The following MSH3 variants were observed in gnomAD, a reference collection of about 807,000 sequenced individuals.
MSH3 encodes mutS homolog 3, also known as DNA mismatch repair protein Msh3.
MSH3 carries 106 observed loss-of-function variants against 123.3 expected under a neutral mutation model. The ratio of observed to expected loss-of-function variants is 0.86; its 90% CI spans 0.73 to 1.01. MSH3 has a LOEUF of 1.01. MSH3 is among the 50% of genes least tolerant of loss of function. The pLI is 0.00. For synonymous variants in MSH3, 515 were observed against 481.4 expected, an observed-to-expected ratio of 1.07 and a Z score of -0.91; for missense variants, 1,459 against 1,347.6, an observed-to-expected ratio of 1.08 and a Z score of -1.29.
intron 20 of MSH3, among the ~76,000 whole-genome samples, chr5:80,826,125 T>C (rs897800335): frequency 2.0e-5 from 3 of 152,268 alleles, no homozygotes; most frequent in Non-Finnish European, 4.4e-5. Context: ...ATCTTGGCGG[T>C]GCTAGTTAAA....
chr5:80,691,854 T>G (rs1750263962), intron 8 of MSH3, among the ~76,000 whole-genome samples: 1 of 146,720 alleles, frequency 6.8e-6, no homozygotes, highest in South Asian at 2.1e-4. Flanking sequence ...TATATATTTA[T>G]ATAGCTAAAC....
chr5:80,760,207 A>G (rs6151784), intron 12 of MSH3, among the ~76,000 whole-genome samples: 3,438 of 152,190 alleles, frequency 0.023, 121 homozygotes, highest in African/African-American at 0.077. Flanking sequence ...CCACTTGTTT[A>G]TTTATTCATT....
intron 12 of MSH3, among the ~76,000 whole-genome samples, chr5:80,753,399 T>G (rs1469915208): frequency 6.6e-6 from 1 of 152,154 alleles, no homozygotes; most frequent in Non-Finnish European, 1.5e-5. Context: ...GTAGGGAGAC[T>G]TTAGGAGGAT....
intron 19 of MSH3, among the ~76,000 whole-genome samples, chr5:80,811,581 CTTGTT>C (rs577482270): frequency 2.0e-3 from 309 of 152,074 alleles, no homozygotes; most frequent in African/African-American, 7.2e-3. Flanking sequence ...GGGAAAAATT[CTTGTT>C]TTGTTCTCTG....
chr5:80,830,965 G>T, intron 20 of MSH3, among the ~76,000 whole-genome samples: 1 of 151,812 alleles, frequency 6.6e-6, no homozygotes, highest in East Asian at 1.9e-4. Context: ...GCAATCATTA[G>T]AAGGAAGGAT....
intron 8 of MSH3, among the ~76,000 whole-genome samples, chr5:80,696,359 T>G (rs1455282374): frequency 1.3e-5 from 2 of 152,190 alleles, no homozygotes; most frequent in East Asian, 3.9e-4. Flanking sequence ...TCCCAGCCTT[T>G]GCTAGCATGG....
At chr5:80,659,841 A>G (rs1016200006) in intron 2 of MSH3, among the ~76,000 whole-genome samples, 2 of 151,868 alleles carry the variant, frequency 1.3e-5, no homozygotes, top group African/African-American at 4.8e-5. Context: ...TGTCTCTATC[A>G]TTTTGGCTAC....
chr5:80,844,110 A>T (rs1032406919), intron 20 of MSH3, among the ~76,000 whole-genome samples: 2 of 151,956 alleles, frequency 1.3e-5, no homozygotes, highest in Non-Finnish European at 2.9e-5. Context: ...CTTTGTTCTC[A>T]TAGGTTTCAA....
chr5:80,713,785 C>T (rs1383702771), intron 8 of MSH3, among the ~76,000 whole-genome samples: 1 of 74,756 alleles, frequency 1.3e-5, no homozygotes, highest in Admixed American at 1.3e-4. Flanking sequence ...TTGTTCTTGT[C>T]GCCTGCTATT....
At chr5:80,745,984 T>G (rs1370114450) in intron 12 of MSH3, among the ~76,000 whole-genome samples, 1 of 152,142 alleles carries the variant, frequency 6.6e-6, no homozygotes, top group Non-Finnish European at 1.5e-5. Flanking sequence ...TTTGCAAGTT[T>G]TTTTTTTTAC....
intron 10 of MSH3, among the ~76,000 whole-genome samples, chr5:80,739,213 TCTAAACACATAGGTAA>T (rs1743568415): frequency 6.6e-6 from 1 of 152,234 alleles, no homozygotes; most frequent in African/African-American, 2.4e-5. Context: ...AGGACTCATA[TCTAAACACATAGGTAA>T]CTGGTTAGAT....
chr5:80,818,100 T>G (rs2112060895), intron 20 of MSH3, among the ~76,000 whole-genome samples: 1 of 152,146 alleles, frequency 6.6e-6, no homozygotes, highest in South Asian at 2.1e-4. Context: ...GCACCTGTAA[T>G]CCCAGCTACT....
chr5:80,803,364 A>G (rs1023795796), intron 19 of MSH3, among the ~76,000 whole-genome samples: 1 of 151,890 alleles, frequency 6.6e-6, no homozygotes, highest in Admixed American at 6.6e-5. Flanking sequence ...TGTTGTTTGT[A>G]TGCCTTCGTT....
intron 20 of MSH3, among the ~76,000 whole-genome samples, chr5:80,833,109 T>C (rs1745447856): frequency 6.6e-6 from 1 of 152,186 alleles, no homozygotes; most frequent in Admixed American, 6.5e-5. Context: ...TATTAAGCTT[T>C]GTTGACCTAT....
chr5:80,860,209 A>T (rs995192140), intron 21 of MSH3, among the ~76,000 whole-genome samples: 1 of 152,136 alleles, frequency 6.6e-6, no homozygotes, highest in African/African-American at 2.4e-5. Flanking sequence ...AGAAAAATAA[A>T]AGTTTTTCGC....
chr5:80,685,912 G>A (rs920567340), intron 8 of MSH3, among the ~76,000 whole-genome samples: 15 of 151,948 alleles, frequency 9.9e-5, no homozygotes, highest in African/African-American at 3.6e-4. Context: ...TGACCCACTG[G>A]CCATTCAGGA....
intron 8 of MSH3, among the ~76,000 whole-genome samples, chr5:80,706,602 A>G (rs1001663175): frequency 3.3e-5 from 5 of 152,234 alleles, no homozygotes; most frequent in African/African-American, 1.2e-4. Flanking sequence ...CATATATTAA[A>G]TATATAATGG....
intron 12 of MSH3, 31 bp downstream of exon 12, chr5:80,744,646 C>T: frequency 1.3e-6 from 2 of 1,503,798 alleles, no homozygotes; most frequent in Non-Finnish European, 1.8e-6. Context: ...GGTGTTTAAT[C>T]TGAAATTATA....
At chr5:80,707,740 A>C (rs1055015303) in intron 8 of MSH3, among the ~76,000 whole-genome samples, 7 of 152,200 alleles carry the variant, frequency 4.6e-5, no homozygotes, top group African/African-American at 1.7e-4. Flanking sequence ...TCAAAAAAAC[A>C]AAACAAAAAA....
Sources: gnomAD v4.1 joint callset for allele counts (sites outside exome capture counted in the v4.1 genomes callset) on GRCh38, gnomAD v4.1.1 for gene constraint, MANE v1.5 for transcripts, NCBI Gene and HGNC (gene_info 2026-07-23, HGNC 2026-07-21) for gene names.